OR1B1: variants seen among roughly 807,000 people sequenced by gnomAD.
OR1B1 encodes olfactory receptor 1B1.
For synonymous variants in OR1B1, 168 were observed against 156.2 expected (o/e 1.08, Z -0.57); for missense variants, 414 against 402.1 (o/e 1.03, Z -0.25).
chr9:122,633,666 A>G (rs1232030386), upstream of OR1B1, among the ~76,000 whole-genome samples: 3 of 152,228 alleles, frequency 2.0e-5, no homozygotes, highest in Non-Finnish European at 4.4e-5. Context: ...ATGGTGGCTC[A>G]TGCCTGTAAT....
chr9:122,656,513 A>C, the OR1B1 span, among the ~76,000 whole-genome samples: 2 of 152,160 alleles, frequency 1.3e-5, no homozygotes, highest in East Asian at 3.9e-4. Flanking sequence ...GTCTGACCCA[A>C]CTTCCTCTCT....
upstream of OR1B1, among the ~76,000 whole-genome samples, chr9:122,631,396 C>G (rs1232817594): frequency 6.6e-6 from 1 of 151,950 alleles, no homozygotes; most frequent in Non-Finnish European, 1.5e-5. Flanking sequence ...CCAGGATGGT[C>G]TCGATCTCCT....
At chr9:122,633,196 TAAG>T (rs901637212), upstream of OR1B1, among the ~76,000 whole-genome samples, 2 of 151,830 alleles carry the variant, frequency 1.3e-5, no homozygotes, top group African/African-American at 4.8e-5. Context: ...GGAAACAAAA[TAAG>T]AAGACCCATT....
At chr9:122,652,409 G>A in the OR1B1 span, among the ~76,000 whole-genome samples, 1 of 152,162 alleles carries the variant, frequency 6.6e-6, no homozygotes, top group African/African-American at 2.4e-5. Context: ...TATCGGCAAA[G>A]TCAAAAACCA....
At chr9:122,637,045 A>G in the OR1B1 span, 1 of 152,226 alleles carries the variant, frequency 6.6e-6, no homozygotes, top group African/African-American at 2.4e-5. Flanking sequence ...AAATTCCAAC[A>G]CATTAGAATA....
the OR1B1 span, among the ~76,000 whole-genome samples, chr9:122,642,807 G>A: frequency 1.3e-5 from 2 of 152,256 alleles, no homozygotes; most frequent in South Asian, 2.1e-4. Flanking sequence ...CTTTGGAGAC[G>A]AAATTGAATA....
At chr9:122,643,754 T>C in the OR1B1 span, among the ~76,000 whole-genome samples, 1 of 152,196 alleles carries the variant, frequency 6.6e-6, no homozygotes, top group Non-Finnish European at 1.5e-5. Context: ...AAGAGGACTT[T>C]GTCTTGCATC....
chr9:122,644,742 C>T, the OR1B1 span, among the ~76,000 whole-genome samples: 2 of 152,056 alleles, frequency 1.3e-5, no homozygotes, highest in Non-Finnish European at 2.9e-5. Flanking sequence ...AAGGTGATAT[C>T]TTTATGAGTC....
At chr9:122,647,534 GA>G in the OR1B1 span, among the ~76,000 whole-genome samples, 38 of 151,230 alleles carry the variant, frequency 2.5e-4, no homozygotes, top group Non-Finnish European at 4.3e-4. Flanking sequence ...ATTAGTAGAG[GA>G]AAAAAAATAA....
At chr9:122,630,874 A>AT (rs1487004039), upstream of OR1B1, among the ~76,000 whole-genome samples, 2 of 151,850 alleles carry the variant, frequency 1.3e-5, no homozygotes, top group Non-Finnish European at 2.9e-5. Flanking sequence ...CACCCAGTTC[A>AT]TTTTTGTATT....
chr9:122,656,123 T>A, the OR1B1 span, among the ~76,000 whole-genome samples: 1 of 152,200 alleles, frequency 6.6e-6, no homozygotes, highest in Non-Finnish European at 1.5e-5. Flanking sequence ...CTGTGTTCAA[T>A]AGGTTGTATC....
chr9:122,634,489 G>C (rs1379843584), upstream of OR1B1, among the ~76,000 whole-genome samples: 1 of 152,224 alleles, frequency 6.6e-6, no homozygotes, highest in South Asian at 2.1e-4. Flanking sequence ...ATGGTGGAGG[G>C]CAAAGGAGAA....
chr9:122,650,955 G>C, the OR1B1 span, among the ~76,000 whole-genome samples: 1 of 151,938 alleles, frequency 6.6e-6, no homozygotes, highest in Non-Finnish European at 1.5e-5. Context: ...AACCCGGGAG[G>C]TGGAGCTTGC....
chr9:122,629,762 A>G (rs1027996034), upstream of OR1B1, among the ~76,000 whole-genome samples: 1 of 152,120 alleles, frequency 6.6e-6, no homozygotes, highest in African/African-American at 2.4e-5. Flanking sequence ...CACCCTAGTG[A>G]CTTGTTCCAT....
chr9:122,651,347 T>C, the OR1B1 span, among the ~76,000 whole-genome samples: 1 of 152,214 alleles, frequency 6.6e-6, no homozygotes, highest in East Asian at 1.9e-4. Context: ...CTTCTAGCTA[T>C]TCGAAACTAC....
At chr9:122,656,327 A>G in the OR1B1 span, among the ~76,000 whole-genome samples, 3 of 152,190 alleles carry the variant, frequency 2.0e-5, no homozygotes, top group Admixed American at 2.0e-4. Context: ...GATGTCCCCC[A>G]AAGTCCATGT....
exon 1 of OR1B1, chr9:122,628,680 C>T (rs747361213): frequency 6.2e-7 from 1 of 1,613,242 alleles, no homozygotes; most frequent in Non-Finnish European, 8.5e-7. Flanking sequence ...GGTGTAATGG[C>T]AGTATACATT....
At chr9:122,632,417 T>A (rs1023190667), upstream of OR1B1, among the ~76,000 whole-genome samples, 2 of 152,208 alleles carry the variant, frequency 1.3e-5, no homozygotes, top group African/African-American at 4.8e-5. Flanking sequence ...TTAGTTCTTT[T>A]AAAAATTTTT....
the OR1B1 span, among the ~76,000 whole-genome samples, chr9:122,655,591 A>G: frequency 4.6e-5 from 7 of 151,388 alleles, no homozygotes; most frequent in South Asian, 1.5e-3. Context: ...ACACAGCAAC[A>G]GAAAACCAAA....
Sources: allele counts gnomAD v4.1 joint callset (sites outside exome capture counted in the v4.1 genomes callset), GRCh38; gene constraint gnomAD v4.1.1; transcripts MANE v1.5; gene names NCBI Gene and HGNC (gene_info 2026-07-23, HGNC 2026-07-21).